The following PIEZO2 variants were observed in gnomAD, a reference collection of about 807,000 sequenced individuals.
The protein encoded by PIEZO2 is piezo type mechanosensitive ion channel component 2, also known as piezo-type mechanosensitive ion channel component 2.
A neutral mutation model predicts 337.3 loss-of-function variants in PIEZO2; 172 were observed. The observed-to-expected ratio is 0.51, with a 90% CI of 0.45 to 0.58. The LOEUF is 0.58. Ranked by LOEUF, PIEZO2 falls within the 20% of genes least tolerant of loss-of-function variation. The pLI is 0.00. For missense variants in PIEZO2, 3,028 were observed against 3,391.3 expected (o/e 0.89, Z 2.66); for synonymous variants, 1,251 against 1,228.5 (o/e 1.02, Z -0.38).
chr18:10,855,379 T>G lies in PIEZO2; in HGVS notation c.891A>C (p.Ala297=), dbSNP rs2041675242. The part of the protein sequence containing the change: ...YLYQFQFFQE[A]VPPNDYYARL... ...TTGCATAGTAGTCATTGGGTGGAACTGCCTCTTGAAAGAATTGGAACTGGT... is the reference window on the plus strand; with the variant it reads ...TTGCATAGTAGTCATTGGGTGGAACGGCCTCTTGAAAGAATTGGAACTGGT... Residue 297 remains alanine (A), a synonymous_variant, in exon 7 of 56, where the codon GCA becomes GCC. Coordinates refer to ENST00000674853, the MANE Select transcript of PIEZO2 (RefSeq NM_001378183.1). This position sits in a 1 kb window ranked among gnomAD's most constrained non-coding sequence, Gnocchi z 4.9. 2.0e-6 allele frequency: 3 copies of G among 1,536,696 alleles called. No individual in the cohort carries two copies. Among genetic ancestry groups the G allele is most frequent in the Non-Finnish European group, 2.6e-6 (3 of 1,146,408 alleles).
Position 11,067,188 on chromosome 18 carries a change from A to AAT in PIEZO2, c.65-968_65-967dup, listed in dbSNP as rs571014493. 4.2e-3 allele frequency among the ~76,000 whole-genome samples: 641 copies of AAT among 152,298 alleles called. 2 individuals carry two copies. Among genetic ancestry groups the AAT allele is most frequent in the Non-Finnish European group, 6.5e-3 (441 of 68,036 alleles). ...GTCCTTAGCTACCAATGATTACCTT[A>AAT]ATACAATGTATACTATTAGGTGATG... On this transcript the variant is annotated intron_variant, in intron 1 of 55. Transcript: ENST00000674853.
intron 4 of PIEZO2, among the ~76,000 whole-genome samples, chr18:10,891,857 T>C (rs1012438703): frequency 7.2e-5 from 11 of 152,168 alleles, no homozygotes; most frequent in African/African-American, 2.7e-4. Flanking sequence ...ATAAAATAAA[T>C]GAAAATATAA....
chr18:10,865,092 C>A (rs1346472830), intron 5 of PIEZO2, among the ~76,000 whole-genome samples: 1 of 152,104 alleles, frequency 6.6e-6, no homozygotes, highest in Admixed American at 6.6e-5. Context: ...GAGAGCTTAC[C>A]CTAGCCAAAC....
At chr18:11,013,589 A>C (rs1446389790) in intron 2 of PIEZO2, among the ~76,000 whole-genome samples, 3 of 152,166 alleles carry the variant, frequency 2.0e-5, no homozygotes, top group South Asian at 4.2e-4. Context: ...GAAACACATA[A>C]ATTTTTAAAC....
chr18:10,725,091 G>T lies in PIEZO2; in HGVS notation c.5029+6316C>A, dbSNP rs541221269. On this transcript the variant is annotated intron_variant, in intron 36 of 55. Transcript: ENST00000674853. ...GTGAGGGAGACAAGTTCTTTCAGTCGCATTACACCTACAATCCACAGTTCG... is the reference window on the plus strand; with the variant it reads ...GTGAGGGAGACAAGTTCTTTCAGTCTCATTACACCTACAATCCACAGTTCG... 5.3e-6 allele frequency: 8 copies of T among 1,497,192 alleles called. No individual in the cohort carries two copies. The African/African-American group carries it at 9.6e-5, about 18-fold the overall frequency. The allele number at this position is 1,497,192 out of a possible 1,614,324, so 92.7% of individuals were successfully genotyped here. A position where few individuals can be genotyped will look rare whatever the true frequency, so the allele number is the denominator to read the frequency against.
At chr18:10,754,262 G>A (rs772324340) in intron 27 of PIEZO2, among the ~76,000 whole-genome samples, 1 of 152,252 alleles carries the variant, frequency 6.6e-6, no homozygotes, top group African/African-American at 2.4e-5. Context: ...GAACCCTGGT[G>A]ACAGGTACTG....
chr18:10,987,128 A>G (rs1337672491), intron 2 of PIEZO2, among the ~76,000 whole-genome samples: 2 of 152,086 alleles, frequency 1.3e-5, no homozygotes, highest in Admixed American at 1.3e-4. Context: ...AGATGCCCAT[A>G]CTGCCAAAAG....
intron 1 of PIEZO2, among the ~76,000 whole-genome samples, chr18:11,087,143 G>A (rs1347975177): frequency 6.6e-6 from 1 of 152,162 alleles, no homozygotes; most frequent in African/African-American, 2.4e-5. Flanking sequence ...AGCAAGGGGG[G>A]CTGTCTATGA....
At position 11,101,636 on chromosome 18, in the gene PIEZO2, A is replaced by G. The variant is rs781369313; in HGVS notation, c.65-35414T>C. Among the ~76,000 whole-genome samples, 2 of 152,194 alleles carry G rather than the reference A, an allele frequency of 1.3e-5. No individual in the cohort carries two copies. The highest frequency in any genetic ancestry group is 6.5e-5 in the Admixed American group (1 of 15,286). ...TCCCCCATGACATTCTATTTCTCAA[A>G]CCTGTCAATTTGAAAAACCGATGAC... On this transcript the variant is annotated intron_variant, in intron 1 of 55. Coordinates refer to ENST00000674853, the MANE Select transcript of PIEZO2 (RefSeq NM_001378183.1). The surrounding 1 kb of genome is among the most constrained non-coding windows in gnomAD (Gnocchi z 4.4).
At chr18:10,701,687 C>T (rs2035338192) in intron 43 of PIEZO2, among the ~76,000 whole-genome samples, 1 of 152,206 alleles carries the variant, frequency 6.6e-6, no homozygotes, top group Non-Finnish European at 1.5e-5. Flanking sequence ...CAATGTTCCA[C>T]AAAAGTGGAT....
chr18:10,801,356 C>T (rs2039808405), intron 10 of PIEZO2, 34 bp downstream of exon 10: 1 of 1,448,036 alleles, frequency 6.9e-7, no homozygotes, highest in East Asian at 2.5e-5. Flanking sequence ...ATCACTTACA[C>T]ATGCATAAAT....
chr18:10,763,068 A>G lies in PIEZO2; in HGVS notation c.2977T>C (p.Ser993Pro). ...GCGTACGGCAGAGCAAAAGCCCAAG[A>G]AATCAAAAATACATAGTTGAACAGA... ...VSLFNYVFLI[S>P]WAFALPYAKL... The change falls in exon 22 of 56, where the codon TCT (serine) becomes CCT (proline). Residue 993 changes from serine (S) to proline (P), a missense_variant. By Grantham distance (74) the Ser-to-Pro change is moderately conservative. Coordinates refer to ENST00000674853, the MANE Select transcript of PIEZO2 (RefSeq NM_001378183.1). The G allele has an allele frequency of 6.5e-7, 1 of 1,537,356 alleles. No individual in the cohort carries two copies. The highest frequency in any genetic ancestry group is 8.7e-7 in the Non-Finnish European group (1 of 1,146,934).
In PIEZO2 at chr18:10,704,591, G is replaced by A. The variant is rs1214896640; in HGVS notation, c.6061C>T (p.Leu2021=). The A allele has an allele frequency of 6.5e-7, 1 of 1,537,308 alleles. No individual in the cohort carries two copies. The highest frequency in any genetic ancestry group is 2.0e-5 in the Admixed American group (1 of 51,012). ...TTGTACATGGCATAGAAGAGCAGCA[G>A]AAATCGGGGCTGCCCCACGTAGAAT... ...EKFYVGQPRF[L]LLFYAMYNTL... The change falls in exon 42 of 56, where the codon CTG becomes TTG. Residue 2021 remains leucine, a synonymous_variant. Coordinates refer to ENST00000674853, the MANE Select transcript of PIEZO2 (RefSeq NM_001378183.1).
At chr18:11,000,339 G>GT (rs1348177792) in intron 2 of PIEZO2, among the ~76,000 whole-genome samples, 1 of 152,098 alleles carries the variant, frequency 6.6e-6, no homozygotes, top group African/African-American at 2.4e-5. Context: ...AAGAAAGTAG[G>GT]TTTTTTCCTT....
chr18:11,118,515 T>C (rs753483352), intron 1 of PIEZO2, among the ~76,000 whole-genome samples: 2 of 152,140 alleles, frequency 1.3e-5, no homozygotes, highest in Non-Finnish European at 2.9e-5. Flanking sequence ...AACCTTTGGA[T>C]CTCATTCAAA....
intron 33 of PIEZO2, chr18:10,737,725 A>T (rs568679283): frequency 6.6e-6 from 1 of 152,362 alleles, no homozygotes; most frequent in African/African-American, 2.4e-5. Context: ...AAAGTCTACC[A>T]GAGAAAAGAG....
At chr18:11,136,976 T>C (rs1027321484) in intron 1 of PIEZO2, among the ~76,000 whole-genome samples, 1 of 152,238 alleles carries the variant, frequency 6.6e-6, no homozygotes, top group Non-Finnish European at 1.5e-5. Flanking sequence ...TGGTTTTCTT[T>C]AAAGGCATGT....
chr18:10,689,646 GC>G lies in PIEZO2; in HGVS notation c.7497+8del. On this transcript the variant is annotated splice_region_variant and intron_variant, in intron 49 of 55. Transcript: ENST00000674853. ...AGACAGGAATAAGGCACATCTCCTG[GC>G]TTCTTACCTTCTCCGACTCCCGCCA... 6.2e-7 allele frequency: 1 copy of G among 1,614,104 alleles called. No individual in the cohort carries two copies. Among genetic ancestry groups the G allele is most frequent in the Non-Finnish European group, 8.5e-7 (1 of 1,180,004 alleles).
At chr18:10,792,870 T>C (rs1185641942) in intron 13 of PIEZO2, among the ~76,000 whole-genome samples, 1 of 152,254 alleles carries the variant, frequency 6.6e-6, no homozygotes, top group Non-Finnish European at 1.5e-5. Context: ...CCAAAGTTGC[T>C]GCACCATTTT....
Sources: allele counts gnomAD v4.1 joint callset (sites outside exome capture counted in the v4.1 genomes callset), GRCh38; gene constraint gnomAD v4.1.1; non-coding constraint Gnocchi (gnomAD v3.1); transcripts MANE v1.5; gene names NCBI Gene and HGNC (gene_info 2026-07-23, HGNC 2026-07-21).